SELENOF: variants seen among roughly 807,000 people sequenced by gnomAD.
SELENOF encodes selenoprotein F.
Under a neutral mutation model 20.5 loss-of-function variants are expected in SELENOF, and 16 were observed. That is an observed-to-expected ratio of 0.78 (90% CI 0.53 to 1.19). SELENOF has a LOEUF of 1.19. Ranked by LOEUF, SELENOF falls within the 50% of genes most tolerant of loss-of-function variation. The pLI is 0.00. For missense variants in SELENOF, 215 were observed against 194.2 expected, an observed-to-expected ratio of 1.11 and a Z score of -0.64; for synonymous variants, 78 against 74.5, an observed-to-expected ratio of 1.05 and a Z score of -0.24.
At chr1:86,896,045 T>C (rs1659513677) in intron 2 of SELENOF, among the ~76,000 whole-genome samples, 1 of 152,082 alleles carries the variant, frequency 6.6e-6, no homozygotes, top group South Asian at 2.1e-4. Context: ...CTGTCCAACA[T>C]GGTGAAACCC....
chr1:86,896,012 G>C (rs1659512840), intron 2 of SELENOF, among the ~76,000 whole-genome samples: 2 of 152,182 alleles, frequency 1.3e-5, no homozygotes, highest in African/African-American at 2.4e-5. Context: ...TGGAACACCT[G>C]AGGTCAGTAG....
In SELENOF at chr1:86,897,230, T is replaced by C. The variant is rs112436961; in HGVS notation, c.252+6051A>G. Among the ~76,000 whole-genome samples the C allele has an allele frequency of 1.4e-3, 207 of 152,136 alleles. 2 individuals are homozygous for C. Among genetic ancestry groups the C allele is most frequent in the Non-Finnish European group, 2.2e-3 (149 of 67,994 alleles). The stretch of plus-strand genomic sequence containing the variant: ...TGAACCCAGAAGGTGGAGGTTGCGG[T>C]GAGCCGAGATGGCACCATTGCACTC... On this transcript the variant is annotated intron_variant, in intron 2 of 4. Coordinates refer to ENST00000331835, the MANE Select transcript of SELENOF (RefSeq NM_004261.5).
chr1:86,867,222 C>A (rs1482508155), intron 4 of SELENOF, among the ~76,000 whole-genome samples: 1 of 152,000 alleles, frequency 6.6e-6, no homozygotes, highest in African/African-American at 2.4e-5. Flanking sequence ...CGCAGTGGCT[C>A]ACACCTGTAA....
At chr1:86,907,180 G>A (rs1459916615) in intron 1 of SELENOF, among the ~76,000 whole-genome samples, 2 of 152,164 alleles carry the variant, frequency 1.3e-5, no homozygotes, top group African/African-American at 4.8e-5. Context: ...GTGGAATTCT[G>A]AGGATTAAAG....
At chr1:86,886,374 G>A (rs1659218104) in intron 2 of SELENOF, among the ~76,000 whole-genome samples, 1 of 151,238 alleles carries the variant, frequency 6.6e-6, no homozygotes. Flanking sequence ...CAGATTAACT[G>A]CATTAATCTG....
At chr1:86,886,969 C>A (rs541613614) in intron 2 of SELENOF, among the ~76,000 whole-genome samples, 1 of 152,102 alleles carries the variant, frequency 6.6e-6, no homozygotes, top group South Asian at 2.1e-4. Flanking sequence ...AAAAAATCAA[C>A]TTTATTCCTT....
chr1:86,871,038 C>T (rs1159135269), intron 3 of SELENOF, among the ~76,000 whole-genome samples: 1 of 152,046 alleles, frequency 6.6e-6, no homozygotes, highest in Non-Finnish European at 1.5e-5. Flanking sequence ...CTCTGCTAAA[C>T]GTAGATCCAT....
chr1:86,903,410 G>T lies in SELENOF; in HGVS notation c.123C>A (p.Cys41Ter). 1 of 1,609,930 alleles carries T rather than the reference G, an allele frequency of 6.2e-7. No individual in the cohort carries two copies. Among genetic ancestry groups the T allele is most frequent in the Non-Finnish European group, 8.5e-7 (1 of 1,178,216 alleles). ...AGTTGCTAGAAAAGCCTAACTCTCT[G>T]CATGCCTCCGATGAAAACTCTGCCC... Reference protein sequence around the residue: ...AFGAEFSSEACRELGFSSNLL... With the variant: ...AFGAEFSSEA Residue 41 changes from cysteine (C) to a stop codon, truncating the protein, a stop_gained, in exon 2 of 5, where the codon TGC (cysteine) becomes TGA (stop). Coordinates refer to ENST00000331835, the MANE Select transcript of SELENOF (RefSeq NM_004261.5). LOFTEE classifies it high-confidence loss of function.
At chr1:86,899,751 CG>C (rs1454034959) in intron 2 of SELENOF, among the ~76,000 whole-genome samples, 1 of 148,952 alleles carries the variant, frequency 6.7e-6, no homozygotes, top group Non-Finnish European at 1.5e-5. Context: ...ACTTCCCAGA[CG>C]GGGTGGCTGC....
At position 86,908,935 on chromosome 1, in the gene SELENOF, A is replaced by G. The variant is rs551611493; in HGVS notation, c.84+5093T>C. On this transcript the variant is annotated intron_variant, in intron 1 of 4. Transcript: ENST00000331835. ...TTATATCCAGTTGTTACCTCACTGA[A>G]ATATTGACAAATATGCAGTTATTAA... is the stretch of plus-strand genomic sequence containing the variant. Among the ~76,000 whole-genome samples, 92 of 152,374 alleles carry G rather than the reference A, an allele frequency of 6.0e-4. 1 individual carries two copies. Among genetic ancestry groups the G allele is most frequent in the African/African-American group, 2.1e-3 (87 of 41,592 alleles).
At chr1:86,900,461 G>A (rs1385673348) in intron 2 of SELENOF, among the ~76,000 whole-genome samples, 10 of 152,208 alleles carry the variant, frequency 6.6e-5, no homozygotes, top group South Asian at 6.2e-4. Flanking sequence ...GGCGGCACGC[G>A]CCTGCAATCG....
chr1:86,902,623 T>C (rs891884947), intron 2 of SELENOF, among the ~76,000 whole-genome samples: 1 of 152,234 alleles, frequency 6.6e-6, no homozygotes, highest in Non-Finnish European at 1.5e-5. Context: ...ACTCAAATGA[T>C]CTTTCCAGTC....
Position 86,867,964 on chromosome 1 carries a change from G to A in SELENOF, c.366+89C>T, listed in dbSNP as rs570071590. ...TACATAATATTTGCACATGTTTATG[G>A]GGGAAACCATTTATTCAAATATTTA... On this transcript the variant is annotated intron_variant, in intron 4 of 4. Transcript: ENST00000331835. 612 of 532,508 alleles carry A rather than the reference G, an allele frequency of 1.1e-3. 2 individuals are homozygous for A. Among genetic ancestry groups the A allele is most frequent in the Middle Eastern group, 0.011 (21 of 1,948 alleles). The allele number at this position is 532,508 out of a possible 1,614,324, so 33.0% of individuals were successfully genotyped here.
chr1:86,882,953 C>G (rs1006924361), intron 2 of SELENOF, among the ~76,000 whole-genome samples: 2 of 152,028 alleles, frequency 1.3e-5, no homozygotes, highest in Non-Finnish European at 2.9e-5. Context: ...TGGTGAAACC[C>G]TGTCTCTACT....
At chr1:86,879,195 T>C (rs1038431867) in intron 3 of SELENOF, among the ~76,000 whole-genome samples, 10 of 152,140 alleles carry the variant, frequency 6.6e-5, no homozygotes, top group South Asian at 2.1e-4. Flanking sequence ...TAAAAATCAA[T>C]TGCTAAAACT....
chr1:86,903,442 C>T lies in SELENOF; in HGVS notation c.91G>A (p.Ala31Thr). The T allele has an allele frequency of 1.9e-6, 3 of 1,598,318 alleles. No homozygotes were observed. The South Asian group carries it at 3.4e-5, about 18-fold the overall frequency. The change falls in exon 2 of 5, where the codon GCT (alanine) becomes ACT (threonine). Residue 31 changes from alanine to threonine, a missense_variant. By Grantham distance (58) the Ala-to-Thr change is moderately conservative. Transcript: ENST00000331835. ...LLATVLQAVS[A>T]FGAEFSSEAC... ...TCCGATGAAAACTCTGCCCCAAAAG[C>T]AGACACCTGAAAATAAAAAATGGGA...
chr1:86,903,342 A>G lies in SELENOF; in HGVS notation c.191T>C (p.Leu64Pro). 6.2e-7 allele frequency: 1 copy of G among 1,612,410 alleles called. No individual in the cohort carries two copies. The highest frequency in any genetic ancestry group is 8.5e-7 in the Non-Finnish European group (1 of 1,179,200). The change falls in exon 2 of 5, where the codon CTT (leucine) becomes CCT (proline). Residue 64 changes from leucine (L) to proline (P), a missense_variant. Transcript: ENST00000331835. ...SCDLLGQFNL[L>P]QLDPDCRGCC... Reference sequence around the variant, plus strand: ...TCCTCTGCAATCAGGATCCAGCTGAAGCAGGTTGAACTGTCCGAGAAGATC... The same window carrying G: ...TCCTCTGCAATCAGGATCCAGCTGAGGCAGGTTGAACTGTCCGAGAAGATC...
rs1325101918 is a variant in SELENOF, at chr1:86,899,640, C to A, written c.252+3641G>T. 8.6e-5 allele frequency among the ~76,000 whole-genome samples: 13 copies of A among 150,896 alleles called. No homozygotes were observed. The South Asian group carries it at 1.5e-3, about 17-fold the overall frequency. ...ACGGGGCGGCTGGCCTGGCGGGGGGCTGACCCCCCCATCTCCCTCCCGGAT... is the reference window on the plus strand; with the variant it reads ...ACGGGGCGGCTGGCCTGGCGGGGGGATGACCCCCCCATCTCCCTCCCGGAT... On this transcript the variant is annotated intron_variant, in intron 2 of 4. Transcript: ENST00000331835.
At chr1:86,881,794 G>A (rs1004496281) in intron 2 of SELENOF, among the ~76,000 whole-genome samples, 3 of 152,088 alleles carry the variant, frequency 2.0e-5, no homozygotes, top group African/African-American at 4.8e-5. Flanking sequence ...CAATTCTTAC[G>A]TTTTTGGGGA....
Sources: allele counts gnomAD v4.1 joint callset (sites outside exome capture counted in the v4.1 genomes callset), GRCh38; gene constraint gnomAD v4.1.1; transcripts MANE v1.5; gene names NCBI Gene and HGNC (gene_info 2026-07-23, HGNC 2026-07-21).